LURAP1L: variants seen among roughly 807,000 people sequenced by gnomAD.
The protein encoded by LURAP1L is leucine rich adaptor protein 1-like.
Under a neutral mutation model 13.8 loss-of-function variants are expected in LURAP1L, and 12 were observed. That is an observed-to-expected ratio of 0.87 (90% confidence interval 0.56 to 1.41). The LOEUF (loss-of-function observed/expected upper bound fraction) is 1.41, where lower values mean the gene tolerates loss of function less well. Among genes scored for constraint, LURAP1L ranks in the 40% most tolerant of loss-of-function variants. The pLI is 0.00. For missense variants in LURAP1L, 375 were observed against 292.9 expected (o/e 1.28, Z -2.04); for synonymous variants, 139 against 119.2 (o/e 1.17, Z -1.08).
chr9:12,798,967 G>T (rs890133189), intron 1 of LURAP1L, among the ~76,000 whole-genome samples: 1 of 152,056 alleles, frequency 6.6e-6, no homozygotes, highest in Non-Finnish European at 1.5e-5. Flanking sequence ...TTGTAGAATT[G>T]CTTCTTTCTT....
chr9:12,786,575 T>TATATATATATATATATATATAC (rs1409561310), intron 1 of LURAP1L, among the ~76,000 whole-genome samples: 5 of 128,694 alleles, frequency 3.9e-5, no homozygotes, highest in Non-Finnish European at 6.7e-5. Context: ...TATATATATA[T>TATATATATATATATATATATAC]ATATATAAAC....
At chr9:12,820,938 C>A (rs888780654) in intron 1 of LURAP1L, among the ~76,000 whole-genome samples, 3 of 152,134 alleles carry the variant, frequency 2.0e-5, no homozygotes, top group Admixed American at 2.0e-4. Context: ...ATTATCACTC[C>A]ATAATCAGAG....
chr9:12,821,837 G>C lies in LURAP1L; in HGVS notation c.*77G>C. 2 of 1,493,290 alleles carry C rather than the reference G, an allele frequency of 1.3e-6. No homozygotes were observed. Among genetic ancestry groups the C allele is most frequent in the South Asian group, 1.3e-5 (1 of 74,390 alleles). The allele number at this position is 1,493,290 out of a possible 1,614,324, so 92.5% of individuals were successfully genotyped here. Reference sequence around the variant, plus strand: ...TTCTCCGCTGCTATATTTTTGGTGTGATTTTTATTTTAATAAGATGACCTT... The same window carrying C: ...TTCTCCGCTGCTATATTTTTGGTGTCATTTTTATTTTAATAAGATGACCTT... On this transcript the variant is annotated 3_prime_UTR_variant, in exon 2 of 2. Coordinates refer to ENST00000319264, the MANE Select transcript of LURAP1L (RefSeq NM_203403.2).
At chr9:12,808,785 A>G (rs1819696736) in intron 1 of LURAP1L, among the ~76,000 whole-genome samples, 1 of 152,096 alleles carries the variant, frequency 6.6e-6, no homozygotes, top group African/African-American at 2.4e-5. Context: ...ATTCTCAGTA[A>G]TTGTTGCTTT....
rs917423231 is a variant in LURAP1L, at chr9:12,805,062, C to T, written c.313-16324C>T. Among the ~76,000 whole-genome samples the T allele has an allele frequency of 5.3e-5, 8 of 152,028 alleles. No individual in the cohort carries two copies. In the East Asian group the frequency reaches 9.7e-4, roughly 18 times the overall value. On this transcript the variant is annotated intron_variant, in intron 1 of 1. Transcript: ENST00000319264. ...ATTAAGTTAAATGATGTTTATTTTT[C>T]GTAATGACAAAACAAGGAAAATTTT...
At chr9:12,787,253 T>C (rs1455744520) in intron 1 of LURAP1L, among the ~76,000 whole-genome samples, 1 of 152,136 alleles carries the variant, frequency 6.6e-6, no homozygotes, top group Non-Finnish European at 1.5e-5. Flanking sequence ...TTAGCTGTAA[T>C]GATAGACATA....
chr9:12,800,334 G>C (rs1374508348), intron 1 of LURAP1L, among the ~76,000 whole-genome samples: 1 of 152,088 alleles, frequency 6.6e-6, no homozygotes, highest in Non-Finnish European at 1.5e-5. Context: ...AATTGGTATA[G>C]AGAAAATGTT....
chr9:12,808,244 T>C (rs1819687927), intron 1 of LURAP1L, among the ~76,000 whole-genome samples: 2 of 152,156 alleles, frequency 1.3e-5, no homozygotes, highest in Non-Finnish European at 1.5e-5. Context: ...AAATATTACT[T>C]GCAAGGCAAG....
chr9:12,807,020 C>CAAAA lies in LURAP1L; in HGVS notation c.313-14344_313-14341dup, dbSNP rs71329888. 8.8e-3 allele frequency among the ~76,000 whole-genome samples: 192 copies of CAAAA among 21,856 alleles called. 19 individuals are homozygous for CAAAA. Among genetic ancestry groups the CAAAA allele is most frequent in the East Asian group, 0.027 (16 of 598 alleles). The allele number at this position is 21,856 out of a possible 152,430, so 14.3% of individuals were successfully genotyped here. ...TGGGCGACAGAGCCAGACTCCGTCT[C>CAAAA]AAAAAAAAAAAAAAAAAAAAAAAAA... On this transcript the variant is annotated intron_variant, in intron 1 of 1. Transcript: ENST00000319264.
chr9:12,792,018 G>A (rs1221815527), intron 1 of LURAP1L, among the ~76,000 whole-genome samples: 1 of 152,082 alleles, frequency 6.6e-6, no homozygotes. Flanking sequence ...TAATACAAGT[G>A]GGTCTGCCTA....
In LURAP1L at chr9:12,777,739, G is replaced by A. The variant is rs150823271; in HGVS notation, c.312+1712G>A. ...GTCCCAAGGAATGATTGGTATGTAT[G>A]TGAAGATCATTTTCTGACAAAAATA... is the stretch of plus-strand genomic sequence containing the variant. On this transcript the variant is annotated intron_variant, in intron 1 of 1. Transcript: ENST00000319264. The A allele has an allele frequency of 2.5e-5, 6 of 237,798 alleles. No homozygotes were observed. The East Asian group carries it at 1.1e-3, about 43-fold the overall frequency. 14.7% of individuals were successfully genotyped at this position (237,798 alleles called of 1,614,324 possible).
rs1489073850 is a variant in LURAP1L at position 12,775,641 on chromosome 9, C to T, written c.-75C>T. 1.3e-6 allele frequency: 2 copies of T among 1,506,996 alleles called. No individual in the cohort carries two copies. Among genetic ancestry groups the T allele is most frequent in the African/African-American group, 1.4e-5 (1 of 71,404 alleles). 93.4% of individuals were successfully genotyped at this position (1,506,996 alleles called of 1,614,324 possible). A position where few individuals can be genotyped will look rare whatever the true frequency, so the allele number is the denominator to read the frequency against. On this transcript the variant is annotated 5_prime_UTR_variant, in exon 1 of 2. Coordinates refer to ENST00000319264, the MANE Select transcript of LURAP1L (RefSeq NM_203403.2). ...GGCCCCCGGAGAGGTCTGCTGATTT[C>T]GCAGCAGCCTTCGAAGCCGTGGCTG...
chr9:12,796,693 T>C (rs1819515411), intron 1 of LURAP1L, among the ~76,000 whole-genome samples: 2 of 152,008 alleles, frequency 1.3e-5, no homozygotes, highest in African/African-American at 2.4e-5. Context: ...TTCTAATAGT[T>C]TTTTTTAAAA....
At position 12,776,970 on chromosome 9, in the gene LURAP1L, G is replaced by C. The variant is rs534497755; in HGVS notation, c.312+943G>C. ...CCTCCCTAAGTCCTTTGAAAAAAAC[G>C]ACCACAAAGCAACAGCATTTTCTAC... On this transcript the variant is annotated intron_variant, in intron 1 of 1. Coordinates refer to ENST00000319264, the MANE Select transcript of LURAP1L (RefSeq NM_203403.2). Among the ~76,000 whole-genome samples the C allele has an allele frequency of 2.6e-5, 4 of 152,130 alleles. No individual in the cohort carries two copies. The East Asian group carries it at 7.8e-4, about 29-fold the overall frequency.
intron 1 of LURAP1L, 24 bp downstream of exon 1, chr9:12,776,051 G>T: frequency 1.9e-6 from 3 of 1,611,714 alleles, no homozygotes; most frequent in Non-Finnish European, 2.5e-6. Context: ...GCCAGCCGCG[G>T]GGGCTGGGAC....
intron 1 of LURAP1L, chr9:12,814,321 C>T (rs1045843191): frequency 9.9e-5 from 15 of 152,160 alleles, no homozygotes; most frequent in Admixed American, 2.6e-4. Flanking sequence ...CTTCTCTGGT[C>T]TGTGTTCAAT....
chr9:12,789,453 T>C (rs1238959380), intron 1 of LURAP1L, among the ~76,000 whole-genome samples: 1 of 152,184 alleles, frequency 6.6e-6, no homozygotes, highest in Non-Finnish European at 1.5e-5. Flanking sequence ...CTTGTTTTCC[T>C]GAACATGCTA....
rs182456843 is a variant in LURAP1L, at chr9:12,785,748, G to C, written c.312+9721G>C. 2.8e-3 allele frequency among the ~76,000 whole-genome samples: 433 copies of C among 152,294 alleles called. 3 individuals are homozygous for C. The highest frequency in any genetic ancestry group is 9.9e-3 in the African/African-American group (412 of 41,566). On this transcript the variant is annotated intron_variant, in intron 1 of 1. Transcript: ENST00000319264. ...TGCTGCACTGCTAGGAGATGGAGGA[G>C]GGGCTGTGTAAGCAATACAAGAGTC...
At chr9:12,818,508 A>G (rs2118552614) in intron 1 of LURAP1L, among the ~76,000 whole-genome samples, 1 of 152,324 alleles carries the variant, frequency 6.6e-6, no homozygotes, top group African/African-American at 2.4e-5. Context: ...TTCTTTAAGG[A>G]GCTCACAGCC....
Sources: allele counts gnomAD v4.1 joint callset (sites outside exome capture counted in the v4.1 genomes callset), GRCh38; gene constraint gnomAD v4.1.1; transcripts MANE v1.5; gene names NCBI Gene and HGNC (gene_info 2026-07-23, HGNC 2026-07-21).